ZNF354B: variants seen among roughly 807,000 people sequenced by gnomAD.
ZNF354B encodes zinc finger protein 354B.
In ZNF354B, 10 loss-of-function variants were observed where a neutral mutation model predicts 12.9. The observed-to-expected ratio is 0.77, with a 90% CI of 0.48 to 1.31. The LOEUF is 1.31. Among genes scored for constraint, ZNF354B ranks in the 40% most tolerant of loss-of-function variants. The probability of loss-of-function intolerance (pLI) is 0.00; values close to 1 mark genes in which losing one functional copy is unlikely to be tolerated. For synonymous variants in ZNF354B, 260 were observed against 243.7 expected (o/e 1.07, Z -0.62); for missense variants, 614 against 711.7 (o/e 0.86, Z 1.56).
chr5:178,864,689 C>A (rs557489413), intron 2 of ZNF354B, among the ~76,000 whole-genome samples: 1 of 150,638 alleles, frequency 6.6e-6, no homozygotes, highest in Non-Finnish European at 1.5e-5. Context: ...GTGGTGCAGT[C>A]TCGGCTCACT....
At chr5:178,877,028 T>C (rs1434095977) in intron 4 of ZNF354B, among the ~76,000 whole-genome samples, 3 of 152,174 alleles carry the variant, frequency 2.0e-5, no homozygotes, top group Admixed American at 1.3e-4. Context: ...TGTTTTCTTA[T>C]TGCTGTAGGG....
chr5:178,868,897 G>A (rs770684372), intron 4 of ZNF354B, among the ~76,000 whole-genome samples: 7 of 151,808 alleles, frequency 4.6e-5, no homozygotes, highest in East Asian at 1.9e-4. Flanking sequence ...GCGTGAACCC[G>A]GGAGGTGGAA....
intron 4 of ZNF354B, among the ~76,000 whole-genome samples, chr5:178,880,120 C>T (rs1221293990): frequency 2.6e-5 from 4 of 152,076 alleles, no homozygotes; most frequent in South Asian, 2.1e-4. Context: ...AGCGAGACTC[C>T]GTCTCAAAAT....
chr5:178,883,282 A>G lies in ZNF354B; in HGVS notation c.830A>G (p.Lys277Arg). The change falls in exon 5 of 5, where the codon AAA becomes AGA. Residue 277 changes from lysine to arginine, a missense_variant. By Grantham distance (26) the Lys-to-Arg change is conservative. Transcript: ENST00000322434. ...CCCTATATATGTAAAGAATGTGGGA[A>G]AGCCTTCAGCCATAGTGCATCCCTT... ...EKPYICKECGKAFSHSASLCK... is the reference protein window; with the variant it reads ...EKPYICKECGRAFSHSASLCK... 1.2e-6 allele frequency: 2 copies of G among 1,613,496 alleles called. No homozygotes were observed. Among genetic ancestry groups the G allele is most frequent in the Non-Finnish European group, 1.7e-6 (2 of 1,179,840 alleles).
intron 4 of ZNF354B, among the ~76,000 whole-genome samples, chr5:178,880,214 T>A (rs1216618949): frequency 6.6e-6 from 1 of 152,126 alleles, no homozygotes; most frequent in African/African-American, 2.4e-5. Flanking sequence ...TTCTTTTTTT[T>A]TTTTTAGACG....
At chr5:178,881,522 GACT>G (rs139401201) in intron 4 of ZNF354B, among the ~76,000 whole-genome samples, 22,488 of 152,032 alleles carry the variant, frequency 0.15, 2,001 homozygotes, top group African/African-American at 0.25. Flanking sequence ...TGTCATTCAA[GACT>G]GGTATAAAAT....
rs559637197 is a variant in ZNF354B at position 178,861,682 on chromosome 5, C to T, written c.33+602C>T. ...TCGCAGGACACAGAAGACCCCTCAG[C>T]TAGCGGCAGGAAGGGTTTCATGGGA... On this transcript the variant is annotated intron_variant, in intron 2 of 4. Transcript: ENST00000322434. 3.9e-5 allele frequency among the ~76,000 whole-genome samples: 6 copies of T among 152,176 alleles called. No homozygotes were observed. In the East Asian group the frequency reaches 1.2e-3, roughly 29 times the overall value.
intron 2 of ZNF354B, among the ~76,000 whole-genome samples, chr5:178,863,233 T>TATATATAC (rs1311054113): frequency 1.3e-5 from 2 of 152,206 alleles, no homozygotes; most frequent in Non-Finnish European, 2.9e-5. Flanking sequence ...AAAACATTTA[T>TATATATAC]ATATATACAT....
At chr5:178,873,649 C>T (rs891920953) in intron 4 of ZNF354B, among the ~76,000 whole-genome samples, 2 of 152,134 alleles carry the variant, frequency 1.3e-5, no homozygotes, top group Non-Finnish European at 2.9e-5. Context: ...TCTGCCAATA[C>T]CACACAGTGT....
chr5:178,870,336 C>T lies in ZNF354B; in HGVS notation c.256+3265C>T, dbSNP rs1021472958. ...TGTTGCCCAGGCTGGAGTGCATTGGCGTGATTCTCAGCTCACTGCAGTGCC... is the reference window on the plus strand; with the variant it reads ...TGTTGCCCAGGCTGGAGTGCATTGGTGTGATTCTCAGCTCACTGCAGTGCC... On this transcript the variant is annotated intron_variant, in intron 4 of 4. Coordinates refer to ENST00000322434, the MANE Select transcript of ZNF354B (RefSeq NM_058230.3). Among the ~76,000 whole-genome samples, 7 of 152,098 alleles carry T rather than the reference C, an allele frequency of 4.6e-5. No individual in the cohort carries two copies. In the South Asian group the frequency reaches 6.2e-4, roughly 13 times the overall value.
chr5:178,878,110 G>A (rs1361938958), intron 4 of ZNF354B, among the ~76,000 whole-genome samples: 2 of 152,268 alleles, frequency 1.3e-5, no homozygotes, highest in East Asian at 1.9e-4. Context: ...TAGGCCGGGC[G>A]TGGTGGCTCA....
rs1445189267 is a variant in ZNF354B, at chr5:178,883,607, T to C, written c.1155T>C (p.Ser385=). Residue 385 remains serine, a synonymous_variant, in exon 5 of 5, where the codon AGT becomes AGC. Coordinates refer to ENST00000322434, the MANE Select transcript of ZNF354B (RefSeq NM_058230.3). ...CTGGAGAGAAGCCTTTTAAATGTAG[T>C]GAATGTGGGAGAGCCTTCAGCCAGA... ...IHTGEKPFKC[S]ECGRAFSQSA... 1 of 1,612,644 alleles carries C rather than the reference T, an allele frequency of 6.2e-7. No homozygotes were observed. Among genetic ancestry groups the C allele is most frequent in the Admixed American group, 1.7e-5 (1 of 59,928 alleles).
chr5:178,876,816 A>C (rs1269091866), intron 4 of ZNF354B, among the ~76,000 whole-genome samples: 1 of 151,992 alleles, frequency 6.6e-6, no homozygotes, highest in Non-Finnish European at 1.5e-5. Flanking sequence ...AGCTCTGAGC[A>C]TCTTTATGAT....
At position 178,885,007 on chromosome 5, in the gene ZNF354B, TAAA is replaced by T. The variant is rs1757781408; in HGVS notation, c.*720_*722del. On this transcript the variant is annotated 3_prime_UTR_variant, in exon 5 of 5. Coordinates refer to ENST00000322434, the MANE Select transcript of ZNF354B (RefSeq NM_058230.3). Reference sequence around the variant, plus strand: ...GTCAAACTTCGTGCATGGCTTTTATTAAAAAAGAAAAAATCTGTTCTCTTCTTT... The same window carrying T: ...GTCAAACTTCGTGCATGGCTTTTATTAAAGAAAAAATCTGTTCTCTTCTTT... 2 of 152,158 alleles carry T rather than the reference TAAA, an allele frequency of 1.3e-5. No homozygotes were observed. Among genetic ancestry groups the T allele is most frequent in the African/African-American group, 4.8e-5 (2 of 41,462 alleles). 9.4% of individuals were successfully genotyped at this position (152,158 alleles called of 1,614,324 possible).
intron 2 of ZNF354B, among the ~76,000 whole-genome samples, chr5:178,863,548 A>AC (rs1187689385): frequency 6.6e-6 from 1 of 152,222 alleles, no homozygotes; most frequent in African/African-American, 2.4e-5. Flanking sequence ...ATGCGATTGT[A>AC]CAGTTCATAA....
chr5:178,878,749 C>T (rs543369371), intron 4 of ZNF354B, among the ~76,000 whole-genome samples: 2 of 152,286 alleles, frequency 1.3e-5, no homozygotes, highest in South Asian at 4.1e-4. Flanking sequence ...GTTACCCAGG[C>T]TGGAGTGCAG....
At chr5:178,871,340 G>T (rs574201402) in intron 4 of ZNF354B, among the ~76,000 whole-genome samples, 1 of 152,282 alleles carries the variant, frequency 6.6e-6, no homozygotes, top group East Asian at 1.9e-4. Flanking sequence ...TTCTGTCTGG[G>T]ACTGTTCTTC....
Position 178,882,751 on chromosome 5 carries a change from A to G in ZNF354B, c.299A>G (p.Gln100Arg), listed in dbSNP as rs1191166045. The change falls in exon 5 of 5, where the codon CAG (glutamine) becomes CGG (arginine). Residue 100 changes from glutamine (Q) to arginine (R), a missense_variant. Gln to Arg is a conservative substitution (Grantham distance 43). Transcript: ENST00000322434. ...AAAATGACAAAGTCAACTCAAACTCAGGATTCATTTCAGGAGCAGATAAGG... is the reference window on the plus strand; with the variant it reads ...AAAATGACAAAGTCAACTCAAACTCGGGATTCATTTCAGGAGCAGATAAGG... ...TPKMTKSTQT[Q>R]DSFQEQIRKR... is the part of the protein sequence containing the mutation. The G allele has an allele frequency of 6.4e-7, 1 of 1,574,714 alleles. No individual in the cohort carries two copies. Among genetic ancestry groups the G allele is most frequent in the East Asian group, 2.2e-5 (1 of 44,538 alleles).
chr5:178,861,732 G>A (rs1379083672), intron 2 of ZNF354B, among the ~76,000 whole-genome samples: 1 of 152,208 alleles, frequency 6.6e-6, no homozygotes, highest in African/African-American at 2.4e-5. Flanking sequence ...AGGCAGCGTA[G>A]GTGGTAGTTA....
Sources: gnomAD v4.1 joint callset for allele counts (sites outside exome capture counted in the v4.1 genomes callset) on GRCh38, gnomAD v4.1.1 for gene constraint, MANE v1.5 for transcripts, NCBI Gene and HGNC (gene_info 2026-07-23, HGNC 2026-07-21) for gene names.